The following PFKFB1 variants were observed in gnomAD, a reference collection of about 807,000 sequenced individuals.
PFKFB1 encodes the protein 6-phosphofructo-2-kinase/fructose-2,6-biphosphatase 1.
Under a neutral mutation model 46.4 loss-of-function variants are expected in PFKFB1, and 34 were observed. That is an observed-to-expected ratio of 0.73 (90% CI 0.56 to 0.98). The LOEUF is 0.98. Ranked by LOEUF, PFKFB1 falls within the 50% of genes least tolerant of loss-of-function variation. The probability of loss-of-function intolerance (pLI) is 0.00; values close to 1 mark genes in which losing one functional copy is unlikely to be tolerated. For missense variants in PFKFB1, 393 were observed against 376.3 expected (o/e 1.04, Z -0.37); for synonymous variants, 119 against 133.8 (o/e 0.89, Z 0.76).
chrX:54,966,302 C>T (rs1934473069), intron 1 of PFKFB1, among the ~76,000 whole-genome samples: 1 of 111,792 alleles, frequency 8.9e-6, no homozygotes, highest in East Asian at 2.8e-4. Flanking sequence ...AAAGGAAAAT[C>T]TAAGTAGGTA....
intron 1 of PFKFB1, among the ~76,000 whole-genome samples, chrX:54,989,259 T>G (rs1935180502): frequency 1.8e-5 from 2 of 111,799 alleles, no homozygotes; most frequent in Admixed American, 1.9e-4. Context: ...TTTTTAAATG[T>G]AGGAAAACAC....
At chrX:54,936,079 G>A (rs1716476911) in intron 11 of PFKFB1, among the ~76,000 whole-genome samples, 1 of 110,768 alleles carries the variant, frequency 9.0e-6, no homozygotes, top group Non-Finnish European at 1.9e-5. Context: ...ACTACCTCAT[G>A]ACACCCTTAA....
At chrX:54,972,973 T>A (rs1205779079) in intron 1 of PFKFB1, among the ~76,000 whole-genome samples, 1 of 111,512 alleles carries the variant, frequency 9.0e-6, no homozygotes, top group East Asian at 2.8e-4. Flanking sequence ...GGTCCTGGAC[T>A]CTTTTTGGTT....
chrX:54,952,911 A>G (rs1934030436), intron 7 of PFKFB1, among the ~76,000 whole-genome samples: 1 of 110,327 alleles, frequency 9.1e-6, no homozygotes, highest in Non-Finnish European at 1.9e-5. Context: ...GAGGTGGTCC[A>G]CAACATTATT....
chrX:54,991,088 C>T (rs149025196), intron 1 of PFKFB1, among the ~76,000 whole-genome samples: 2,567 of 110,533 alleles, frequency 0.023, 65 homozygotes, highest in African/African-American at 0.08. Context: ...ATATTAAAGG[C>T]GGGAGGTCTT....
chrX:54,975,123 A>G (rs1934802981), intron 1 of PFKFB1, among the ~76,000 whole-genome samples: 2 of 111,544 alleles, frequency 1.8e-5, no homozygotes, highest in African/African-American at 3.3e-5. Flanking sequence ...AGAGGAAAGG[A>G]AGTGATTATA....
chrX:54,952,106 C>T lies in PFKFB1; in HGVS notation c.645G>A (p.Leu215=). 1 of 1,209,632 alleles carries T rather than the reference C, an allele frequency of 8.3e-7. No individual in the cohort carries two copies. The highest frequency in any genetic ancestry group is 1.8e-5 in the South Asian group (1 of 56,776). The change falls in exon 8 of 14, where the codon CTG becomes CTA. Residue 215 remains leucine, a synonymous_variant. Coordinates refer to ENST00000375006, the MANE Select transcript of PFKFB1 (RefSeq NM_002625.4). ...QPLDEELDSH[L]SYIKIFDVGT... is the part of the protein sequence containing the mutation. ...CCACGTCGAAGATCTTGATGTAGGA[C>T]AGGTGGCTGGGCCAGACCCAAGCAG...
At chrX:54,958,451 G>C in intron 5 of PFKFB1, 89 bp from the exon 6 acceptor site, 2 of 553,917 alleles carry the variant, frequency 3.6e-6, no homozygotes, top group East Asian at 6.6e-5. Flanking sequence ...ATGGCTCTAA[G>C]TCATCTCCAG....
At chrX:54,961,568 C>G (rs1158310101) in intron 2 of PFKFB1, among the ~76,000 whole-genome samples, 1 of 111,501 alleles carries the variant, frequency 9.0e-6, no homozygotes, top group East Asian at 2.8e-4. Flanking sequence ...CTTTTTGACT[C>G]CTACTCTGTG....
intron 1 of PFKFB1, among the ~76,000 whole-genome samples, chrX:54,993,365 T>C (rs1935292912): frequency 8.9e-6 from 1 of 111,806 alleles, no homozygotes; most frequent in African/African-American, 3.3e-5. Context: ...GGACATTAAG[T>C]GTTTCCCAAC....
intron 11 of PFKFB1, among the ~76,000 whole-genome samples, chrX:54,935,281 C>A (rs1244064001): frequency 8.9e-6 from 1 of 111,928 alleles, no homozygotes; most frequent in African/African-American, 3.3e-5. Flanking sequence ...CTGGAGACGG[C>A]CACCACCTCA....
chrX:54,989,348 A>G (rs1935182366), intron 1 of PFKFB1, among the ~76,000 whole-genome samples: 1 of 111,867 alleles, frequency 8.9e-6, no homozygotes, highest in African/African-American at 3.2e-5. Flanking sequence ...TAGGGCAAAA[A>G]CATCAATGAT....
chrX:54,968,724 A>G (rs1238538403), intron 1 of PFKFB1, among the ~76,000 whole-genome samples: 2 of 111,279 alleles, frequency 1.8e-5, no homozygotes, highest in African/African-American at 3.3e-5. Flanking sequence ...CTGAAATTGA[A>G]TTTGTAATTA....
intron 1 of PFKFB1, among the ~76,000 whole-genome samples, chrX:54,985,016 T>C (rs989307114): frequency 4.7e-4 from 52 of 110,640 alleles, no homozygotes; most frequent in African/African-American, 1.6e-3. Flanking sequence ...AGTATACCCA[T>C]GGAGAGAAGA....
At chrX:54,944,036 TG>T (rs1224561690) in intron 10 of PFKFB1, among the ~76,000 whole-genome samples, 4 of 111,398 alleles carry the variant, frequency 3.6e-5, no homozygotes, top group Non-Finnish European at 5.6e-5. Context: ...GTTCTTCTGT[TG>T]TTTAGGTAGA....
At chrX:54,984,610 T>A (rs1935071069) in intron 1 of PFKFB1, among the ~76,000 whole-genome samples, 1 of 112,206 alleles carries the variant, frequency 8.9e-6, no homozygotes, top group Non-Finnish European at 1.9e-5. Context: ...ACCTTACTAC[T>A]GTCCCCTCAC....
intron 11 of PFKFB1, among the ~76,000 whole-genome samples, chrX:54,936,579 G>C (rs185410997): frequency 1.1e-3 from 127 of 111,454 alleles, no homozygotes; most frequent in African/African-American, 4.0e-3. Flanking sequence ...TCCTCATCTG[G>C]ACAATGGGAG....
chrX:54,958,742 G>A (rs778778155), intron 5 of PFKFB1, 109 bp downstream of exon 5: 2 of 504,955 alleles, frequency 4.0e-6, no homozygotes, highest in Non-Finnish European at 6.9e-6. Context: ...AAATTAAAAT[G>A]TTGAGCTTAT....
intron 1 of PFKFB1, among the ~76,000 whole-genome samples, chrX:54,968,544 G>A: frequency 9.0e-6 from 1 of 110,958 alleles, no homozygotes; most frequent in South Asian, 3.8e-4. Context: ...GAATGAAAGA[G>A]TAGATAGAAA....
Sources: gnomAD v4.1 joint callset for allele counts (sites outside exome capture counted in the v4.1 genomes callset) on GRCh38, gnomAD v4.1.1 for gene constraint, MANE v1.5 for transcripts, NCBI Gene and HGNC (gene_info 2026-07-23, HGNC 2026-07-21) for gene names.